VPS72: variants seen among roughly 807,000 people sequenced by gnomAD.
VPS72 encodes vacuolar protein sorting-associated protein 72 homolog.
VPS72 carries 27 observed loss-of-function variants against 38.9 expected under a neutral mutation model. The ratio of observed to expected loss-of-function variants is 0.69; its 90% confidence interval spans 0.51 to 0.96. The LOEUF (loss-of-function observed/expected upper bound fraction) is 0.96, where lower values mean the gene tolerates loss of function less well. Among genes scored for constraint, VPS72 ranks in the 40% least tolerant of loss-of-function variants. The pLI is 0.00. For missense variants in VPS72, 360 were observed against 479.5 expected, an observed-to-expected ratio of 0.75 and a Z score of 2.33; for synonymous variants, 173 against 186.3, an observed-to-expected ratio of 0.93 and a Z score of 0.58.
chr1:151,190,161 C>A lies in VPS72; in HGVS notation c.-40G>T. ...CTGCGCCGCCACCTGCAGCCCCTCA[C>A]CAGCTCGGTTTTGGGAGCTCGACGC... On this transcript the variant is annotated 5_prime_UTR_variant, in exon 1 of 6. Transcript: ENST00000368892. 1 of 1,607,230 alleles carries A rather than the reference C, an allele frequency of 6.2e-7. No individual in the cohort carries two copies. Among genetic ancestry groups the A allele is most frequent in the South Asian group, 1.1e-5 (1 of 91,020 alleles).
Position 151,185,785 on chromosome 1 carries a change from A to G in VPS72, c.270+13T>C. 6.2e-7 allele frequency: 1 copy of G among 1,612,692 alleles called. No individual in the cohort carries two copies. Among genetic ancestry groups the G allele is most frequent in the South Asian group, 1.1e-5 (1 of 90,986 alleles). ...ATTGAGGAAATCCAAGACAACTAGG[A>G]CTCCCCCTGTACCTTATAGGCCTTG... On this transcript the variant is annotated intron_variant, in intron 2 of 5. Coordinates refer to ENST00000368892, the MANE Select transcript of VPS72 (RefSeq NM_005997.3).
At chr1:151,185,366 T>C in intron 3 of VPS72, 140 bp downstream of exon 3, 1 of 756,108 alleles carries the variant, frequency 1.3e-6, no homozygotes, top group South Asian at 1.6e-5. Flanking sequence ...CCTCAGGTGA[T>C]CTACCCGCCT....
At chr1:151,181,513 G>T (rs933229894) in intron 4 of VPS72, among the ~76,000 whole-genome samples, 1 of 152,016 alleles carries the variant, frequency 6.6e-6, no homozygotes, top group Non-Finnish European at 1.5e-5. Context: ...AAAGTGCTGG[G>T]ATTACAGATG....
In VPS72 at chr1:151,179,249, C is replaced by T. The variant is rs190015378; in HGVS notation, c.563-1104G>A. Among the ~76,000 whole-genome samples, 77 of 151,592 alleles carry T rather than the reference C, an allele frequency of 5.1e-4. No individual in the cohort carries two copies. The East Asian group carries it at 9.3e-3, about 18-fold the overall frequency. On this transcript the variant is annotated intron_variant, in intron 4 of 5. Transcript: ENST00000368892. ...GTGAGATTGCATTATTGCACTCCAACGCGGGCAATAAGAGCGAAACTCTGT... is the reference window on the plus strand; with the variant it reads ...GTGAGATTGCATTATTGCACTCCAATGCGGGCAATAAGAGCGAAACTCTGT...
chr1:151,186,044 G>A, intron 1 of VPS72, 94 bp from the exon 2 acceptor site: 3 of 1,463,322 alleles, frequency 2.1e-6, no homozygotes, highest in Non-Finnish European at 1.8e-6. Context: ...GATAAGGGCT[G>A]CCCTACTCTC....
At chr1:151,184,590 CTTTTT>C in intron 3 of VPS72, 97 bp from the exon 4 acceptor site, 2 of 1,019,032 alleles carry the variant, frequency 2.0e-6, no homozygotes, top group Non-Finnish European at 2.6e-6. Context: ...ATTTTTTTTT[CTTTTT>C]TTTTTTTTGA....
intron 4 of VPS72, among the ~76,000 whole-genome samples, chr1:151,183,419 C>T (rs1487178497): frequency 2.1e-5 from 1 of 48,740 alleles, no homozygotes; most frequent in African/African-American, 7.6e-5. Context: ...AAGACTCTGT[C>T]TCAAAAAAAA....
chr1:151,178,072 G>A lies in VPS72; in HGVS notation c.636C>T (p.Ile212=), dbSNP rs754207717. Residue 212 remains isoleucine, a synonymous_variant, in exon 5 of 6, where the codon ATC becomes ATT. Transcript: ENST00000368892. ...HKKRKCPGPI[I]TYHSVTVPLV... ...GTGGCACTGTCACTGAATGATAGGT[G>A]ATTATGGGCCCGGGGCACTTCCGCT... The A allele has an allele frequency of 3.1e-6, 5 of 1,614,134 alleles. No homozygotes were observed. The highest frequency in any genetic ancestry group is 4.2e-6 in the Non-Finnish European group (5 of 1,180,026).
intron 1 of VPS72, among the ~76,000 whole-genome samples, chr1:151,187,251 C>A (rs1220118487): frequency 1.3e-5 from 2 of 152,146 alleles, no homozygotes; most frequent in Non-Finnish European, 2.9e-5. Flanking sequence ...GTCAACTGGG[C>A]TGGCTGACAC....
chr1:151,186,251 T>A (rs587763290), intron 1 of VPS72, among the ~76,000 whole-genome samples: 4 of 145,924 alleles, frequency 2.7e-5, no homozygotes, highest in Non-Finnish European at 6.1e-5. Context: ...ATAATCTTAC[T>A]TTTTTTTTTT....
At chr1:151,181,905 G>GAC (rs1647047130) in intron 4 of VPS72, among the ~76,000 whole-genome samples, 1 of 152,084 alleles carries the variant, frequency 6.6e-6, no homozygotes, top group Admixed American at 6.6e-5. Context: ...TTTAAACAGA[G>GAC]ACAGGGTCTC....
intron 5 of VPS72, among the ~76,000 whole-genome samples, chr1:151,177,643 G>A (rs1343804130): frequency 6.6e-6 from 1 of 151,958 alleles, no homozygotes; most frequent in African/African-American, 2.4e-5. Context: ...GAAGCGGGAC[G>A]ATTACTTTAA....
Position 151,185,628 on chromosome 1 carries a change from C to A in VPS72, c.271-8G>T. ...TAAGCTCTTGAGAGGTTCCTGAGGA[C>A]AGATTGGAATCAGATACTGGGGAAC... On this transcript the variant is annotated splice_polypyrimidine_tract_variant and splice_region_variant and intron_variant, in intron 2 of 5. Transcript: ENST00000368892. The A allele has an allele frequency of 6.2e-7, 1 of 1,613,862 alleles. No homozygotes were observed. Among genetic ancestry groups the A allele is most frequent in the East Asian group, 2.2e-5 (1 of 44,876 alleles).
intron 3 of VPS72, 74 bp from the exon 4 acceptor site, chr1:151,184,567 G>C: frequency 7.4e-7 from 1 of 1,357,272 alleles, no homozygotes; most frequent in Admixed American, 2.7e-5. Context: ...TTGAAATGTT[G>C]TACTTGGAAA....
chr1:151,186,080 C>T (rs1684342281), intron 1 of VPS72, 130 bp from the exon 2 acceptor site: 1 of 1,238,268 alleles, frequency 8.1e-7, no homozygotes, highest in Admixed American at 2.6e-5. Context: ...CTTCATTTTC[C>T]TCAGGCAAGA....
chr1:151,183,292 C>T (rs1459049630), intron 4 of VPS72, among the ~76,000 whole-genome samples: 2 of 151,110 alleles, frequency 1.3e-5, no homozygotes, highest in East Asian at 2.0e-4. Flanking sequence ...GGCATGGTGG[C>T]GGGCACCTGT....
At chr1:151,178,672 A>G (rs1277521740) in intron 4 of VPS72, among the ~76,000 whole-genome samples, 1 of 152,166 alleles carries the variant, frequency 6.6e-6, no homozygotes, top group African/African-American at 2.4e-5. Context: ...ATTTAAATAT[A>G]GAGATTTCTG....
chr1:151,176,901 G>T lies in VPS72; in HGVS notation c.838C>A (p.Gln280Lys). ...DDATFEEWFP[Q>K]GRPPKVPVRE... Reference sequence around the variant, plus strand: ...ACAGGGACTTTTGGGGGCCGCCCTTGGGGGAACCATTCCTCGAAAGTTGCA... The same window carrying T: ...ACAGGGACTTTTGGGGGCCGCCCTTTGGGGAACCATTCCTCGAAAGTTGCA... Residue 280 changes from glutamine (Q) to lysine (K), a missense_variant, in exon 6 of 6, where the codon CAA becomes AAA. Transcript: ENST00000368892. The T allele has an allele frequency of 1.2e-6, 2 of 1,614,066 alleles. No individual in the cohort carries two copies. Among genetic ancestry groups the T allele is most frequent in the African/African-American group, 1.3e-5 (1 of 75,014 alleles).
intron 5 of VPS72, among the ~76,000 whole-genome samples, chr1:151,177,242 G>A (rs1246200757): frequency 5.3e-5 from 8 of 151,976 alleles, no homozygotes; most frequent in Non-Finnish European, 1.2e-4. Flanking sequence ...AAAATTAGCC[G>A]GGCGTGGTGG....
Sources: allele counts gnomAD v4.1 joint callset (sites outside exome capture counted in the v4.1 genomes callset), GRCh38; gene constraint gnomAD v4.1.1; transcripts MANE v1.5; gene names NCBI Gene and HGNC (gene_info 2026-07-23, HGNC 2026-07-21).